Variants in COL5A1 observed in about 807,000 individuals in gnomAD.
The protein encoded by COL5A1 is collagen alpha-1(V) chain.
COL5A1 carries 16 observed loss-of-function variants against 263.7 expected under a neutral mutation model. The observed-to-expected ratio is 0.06, with a 90% CI of 0.04 to 0.09. COL5A1 has a LOEUF of 0.09. COL5A1 is among the 10% of genes least tolerant of loss of function. COL5A1 has a pLI of 1.00. For synonymous variants in COL5A1, 1,012 were observed against 1,004.5 expected (o/e 1.01, Z -0.14); for missense variants, 2,036 against 2,540.5 (o/e 0.80, Z 4.27).
chr9:134,734,560 C>T (rs1835027063), intron 9 of COL5A1, among the ~76,000 whole-genome samples: 1 of 152,252 alleles, frequency 6.6e-6, no homozygotes, highest in African/African-American at 2.4e-5. Flanking sequence ...TGTTGTCTGC[C>T]CCACCTGAGC....
chr9:134,753,771 T>TC, intron 14 of COL5A1, 79 bp from the exon 15 acceptor site: 8 of 369,168 alleles, frequency 2.2e-5, no homozygotes, highest in South Asian at 6.7e-5. Flanking sequence ...CCCCTGCCCC[T>TC]CCCCTGCCAC....
chr9:134,753,779 CACCCCCAG>C, intron 14 of COL5A1, 63 bp from the exon 15 acceptor site: 1 of 934,640 alleles, frequency 1.1e-6, no homozygotes, highest in African/African-American at 1.6e-5. Flanking sequence ...CCTCCCCTGC[CACCCCCAG>C]CCCTTCCTGT....
In COL5A1 at chr9:134,834,964, C is replaced by T. The variant is rs376750863; in HGVS notation, c.5137-7C>T. ...CCTGCTGAGCCCCAACACCCCTGTC[C>T]CCCCAGCTCTCCTATGTGGACGCCG... On this transcript the variant is annotated splice_region_variant and splice_polypyrimidine_tract_variant and intron_variant, in intron 64 of 65. Transcript: ENST00000371817. 1.1e-5 allele frequency: 18 copies of T among 1,607,304 alleles called. No homozygotes were observed. The African/African-American group carries it at 2.3e-4, about 20-fold the overall frequency.
At chr9:134,724,534 G>A (rs929971722) in intron 4 of COL5A1, among the ~76,000 whole-genome samples, 39 of 152,196 alleles carry the variant, frequency 2.6e-4, no homozygotes, top group Admixed American at 2.4e-3. Context: ...CTCCATCCAA[G>A]TCTCAGTGCC....
At position 134,765,113 on chromosome 9, in the gene COL5A1, T is replaced by C. The variant is rs1338185142; in HGVS notation, c.2035-568T>C. On this transcript the variant is annotated intron_variant, in intron 20 of 65. Transcript: ENST00000371817. This position sits in a 1 kb window ranked among gnomAD's most constrained non-coding sequence, Gnocchi z 5.1. ...CGCCGACCGGAGAGGGCGTGCCAGC[T>C]CTTGCCCAGAGTAGCGTCCTGGAAA... Among the ~76,000 whole-genome samples the C allele has an allele frequency of 6.6e-6, 1 of 152,098 alleles. No homozygotes were observed. Among genetic ancestry groups the C allele is most frequent in the Non-Finnish European group, 1.5e-5 (1 of 68,014 alleles).
At chr9:134,830,469 G>A in intron 64 of COL5A1, 1 of 514,654 alleles carries the variant, frequency 1.9e-6, no homozygotes, top group Non-Finnish European at 3.5e-6. Context: ...CACAGACGGT[G>A]CAGCCCCAGG....
At chr9:134,711,201 A>G (rs1443096076) in intron 4 of COL5A1, among the ~76,000 whole-genome samples, 1 of 151,996 alleles carries the variant, frequency 6.6e-6, no homozygotes, top group East Asian at 1.9e-4. Context: ...GTCAGCTCGG[A>G]GGCCAGGTTG....
At chr9:134,657,558 G>A (rs1207428481) in intron 1 of COL5A1, among the ~76,000 whole-genome samples, 1 of 118,504 alleles carries the variant, frequency 8.4e-6, no homozygotes, top group Non-Finnish European at 1.8e-5. Flanking sequence ...GATAATATGG[G>A]GGTGGTGTAG....
At chr9:134,792,905 ACGCGCGTGTGTGTGCG>A (rs1165230959) in intron 32 of COL5A1, among the ~76,000 whole-genome samples, 1 of 29,628 alleles carries the variant, frequency 3.4e-5, no homozygotes, top group Non-Finnish European at 7.9e-5. Flanking sequence ...GCGTGTGTGC[ACGCGCGTGTGTGTGCG>A]CATGTGTATG....
intron 11 of COL5A1, among the ~76,000 whole-genome samples, chr9:134,744,848 C>T (rs1387767430): frequency 2.0e-5 from 3 of 151,808 alleles, no homozygotes; most frequent in Admixed American, 6.6e-5. Flanking sequence ...CATCCATACA[C>T]ATGCACACAC....
At chr9:134,672,520 T>C (rs1454948863) in intron 1 of COL5A1, among the ~76,000 whole-genome samples, 4 of 152,202 alleles carry the variant, frequency 2.6e-5, no homozygotes, top group Non-Finnish European at 1.5e-5. Context: ...CAAATCTCAA[T>C]AAATTAGGAA....
At chr9:134,667,817 C>T (rs1041159125) in intron 1 of COL5A1, among the ~76,000 whole-genome samples, 2 of 152,182 alleles carry the variant, frequency 1.3e-5, no homozygotes, top group Admixed American at 6.5e-5. Flanking sequence ...AATAGGGATC[C>T]GTTCATCCTA....
chr9:134,763,639 G>T, intron 19 of COL5A1, 54 bp from the exon 20 acceptor site: 1 of 1,570,562 alleles, frequency 6.4e-7, no homozygotes, highest in Non-Finnish European at 8.8e-7. Flanking sequence ...AGGGGAAGCT[G>T]GTGTCCAGGC....
chr9:134,737,167 C>T (rs750263366), intron 9 of COL5A1, among the ~76,000 whole-genome samples: 18 of 152,210 alleles, frequency 1.2e-4, no homozygotes, highest in South Asian at 6.2e-4. Flanking sequence ...GGTTTCTGCA[C>T]GGGACCCCAG....
At chr9:134,669,191 T>TCCTTTC (rs1167637089) in intron 1 of COL5A1, among the ~76,000 whole-genome samples, 3 of 147,600 alleles carry the variant, frequency 2.0e-5, no homozygotes, top group East Asian at 2.0e-4. Flanking sequence ...CTTTCACTTT[T>TCCTTTC]CCTTTCCCTT....
At chr9:134,820,590 G>A (rs960558001) in intron 58 of COL5A1, among the ~76,000 whole-genome samples, 2 of 152,220 alleles carry the variant, frequency 1.3e-5, no homozygotes, top group African/African-American at 2.4e-5. Flanking sequence ...AACCAGCCGT[G>A]TTTGCCAGAG....
At chr9:134,834,945 G>A (rs755550460) in intron 64 of COL5A1, 26 bp from the exon 65 acceptor site, 9 of 1,545,616 alleles carry the variant, frequency 5.8e-6, no homozygotes, top group Non-Finnish European at 8.0e-6. Flanking sequence ...CCACCCTGCT[G>A]AGCCCCAACA....
chr9:134,825,730 G>T, intron 62 of COL5A1, 62 bp from the exon 63 acceptor site: 1 of 1,137,444 alleles, frequency 8.8e-7, no homozygotes, highest in South Asian at 1.3e-5. Context: ...GCGGCTTCCG[G>T]AACCATCCAG....
chr9:134,832,556 C>T (rs946708329), intron 64 of COL5A1, among the ~76,000 whole-genome samples: 10 of 152,236 alleles, frequency 6.6e-5, no homozygotes, highest in African/African-American at 4.8e-5. Flanking sequence ...TGCAGGGCAG[C>T]GTGCCCCATG....
Sources: gnomAD v4.1 joint callset for allele counts (sites outside exome capture counted in the v4.1 genomes callset) on GRCh38, gnomAD v4.1.1 for gene constraint, Gnocchi (gnomAD v3.1) non-coding constraint, MANE v1.5 for transcripts, NCBI Gene and HGNC (gene_info 2026-07-23, HGNC 2026-07-21) for gene names.